The following DYRK1A variants were observed in gnomAD, a reference collection of about 807,000 sequenced individuals.
The protein encoded by DYRK1A is dual specificity tyrosine-phosphorylation-regulated kinase 1A.
Under a neutral mutation model 79.7 loss-of-function variants are expected in DYRK1A, and 9 were observed. That is an observed-to-expected ratio of 0.11 (90% CI 0.07 to 0.20). The LOEUF (loss-of-function observed/expected upper bound fraction) is 0.20. DYRK1A is among the 10% of genes least tolerant of loss of function. The pLI, the probability that DYRK1A is intolerant of heterozygous loss-of-function variation, is 1.00. For missense variants in DYRK1A, 622 were observed against 956.0 expected (o/e 0.65, Z 4.61); for synonymous variants, 349 against 329.7 (o/e 1.06, Z -0.63).
At chr21:37,374,786 C>G (rs372899744) in intron 1 of DYRK1A, among the ~76,000 whole-genome samples, 1 of 152,176 alleles carries the variant, frequency 6.6e-6, no homozygotes, top group Non-Finnish European at 1.5e-5. Context: ...ATCTCCTGAC[C>G]TCGTGATCCG....
intron 1 of DYRK1A, among the ~76,000 whole-genome samples, chr21:37,389,386 G>C (rs908003910): frequency 6.6e-6 from 1 of 152,074 alleles, no homozygotes; most frequent in African/African-American, 2.4e-5. Context: ...GGCTGGTCTT[G>C]AACTTCTGGG....
intron 9 of DYRK1A, among the ~76,000 whole-genome samples, chr21:37,497,993 T>A (rs1428522721): frequency 2.0e-5 from 3 of 152,318 alleles, no homozygotes; most frequent in Non-Finnish European, 4.4e-5. Context: ...AAATTCATAA[T>A]CAAATAATTA....
At chr21:37,411,701 T>C (rs1005351383) in intron 1 of DYRK1A, among the ~76,000 whole-genome samples, 4 of 152,146 alleles carry the variant, frequency 2.6e-5, no homozygotes, top group African/African-American at 9.7e-5. Flanking sequence ...AATTTTAAGG[T>C]TTAAGTTTTA....
intron 5 of DYRK1A, 184 bp downstream of exon 5, chr21:37,481,010 C>T: frequency 2.0e-6 from 1 of 506,034 alleles, no homozygotes; most frequent in Non-Finnish European, 3.4e-6. Context: ...GTAATATAAA[C>T]TCCTTAGACT....
At chr21:37,449,387 A>G (rs2051372836) in intron 2 of DYRK1A, among the ~76,000 whole-genome samples, 2 of 152,222 alleles carry the variant, frequency 1.3e-5, no homozygotes, top group South Asian at 4.1e-4. Flanking sequence ...GCTCTGAACT[A>G]TGGGCATTTT....
intron 2 of DYRK1A, among the ~76,000 whole-genome samples, chr21:37,451,513 C>T (rs1255622860): frequency 7.2e-5 from 11 of 152,096 alleles, no homozygotes; most frequent in Admixed American, 7.2e-4. Flanking sequence ...CAGTTGCCCT[C>T]ATTATTCAGC....
chr21:37,407,820 G>A (rs1569298011), intron 1 of DYRK1A, among the ~76,000 whole-genome samples: 1 of 152,304 alleles, frequency 6.6e-6, no homozygotes, highest in East Asian at 1.9e-4. Flanking sequence ...CCCTAAGAGC[G>A]GCGAGAGAAT....
chr21:37,394,681 A>C (rs927417082), intron 1 of DYRK1A, among the ~76,000 whole-genome samples: 1 of 152,184 alleles, frequency 6.6e-6, no homozygotes, highest in African/African-American at 2.4e-5. Flanking sequence ...GCTCCTTATG[A>C]GAATCTAACT....
chr21:37,446,771 T>G (rs1485536341), intron 2 of DYRK1A, among the ~76,000 whole-genome samples: 1 of 152,148 alleles, frequency 6.6e-6, no homozygotes, highest in East Asian at 1.9e-4. Context: ...TGGACTTTTC[T>G]GTTTATCATA....
chr21:37,415,199 C>T (rs1265340905), intron 1 of DYRK1A, among the ~76,000 whole-genome samples: 3 of 152,116 alleles, frequency 2.0e-5, no homozygotes, highest in African/African-American at 7.2e-5. Context: ...AAATTTGGGG[C>T]AAAACTCATT....
chr21:37,465,325 A>G (rs1347163062), intron 2 of DYRK1A, among the ~76,000 whole-genome samples: 2 of 152,230 alleles, frequency 1.3e-5, no homozygotes, highest in East Asian at 3.8e-4. Context: ...ACCGTTATGC[A>G]TGGGAATGTG....
intron 3 of DYRK1A, among the ~76,000 whole-genome samples, chr21:37,476,980 G>A (rs541505698): frequency 3.5e-4 from 54 of 152,220 alleles, no homozygotes; most frequent in African/African-American, 1.2e-3. Context: ...ATGATAAAGC[G>A]CACGTAGTAA....
intron 2 of DYRK1A, chr21:37,464,290 T>G (rs2051950794): frequency 2.0e-6 from 1 of 499,416 alleles, no homozygotes; most frequent in African/African-American, 2.0e-5. Flanking sequence ...TCCATACTGG[T>G]AATATGGTCT....
intron 2 of DYRK1A, among the ~76,000 whole-genome samples, chr21:37,467,540 C>T (rs1172996729): frequency 6.6e-6 from 1 of 152,150 alleles, no homozygotes; most frequent in Non-Finnish European, 1.5e-5. Flanking sequence ...CAAGGAAAGT[C>T]GTTTATCATT....
intron 9 of DYRK1A, among the ~76,000 whole-genome samples, chr21:37,500,509 A>AT (rs1038857930): frequency 6.6e-6 from 1 of 151,836 alleles, no homozygotes; most frequent in African/African-American, 2.4e-5. Context: ...TTTTTTCTTG[A>AT]TTTTCTGAAA....
Position 37,443,763 on chromosome 21 carries a change from A to G in DYRK1A, c.10+23379A>G, listed in dbSNP as rs114554017. 7.1e-3 allele frequency among the ~76,000 whole-genome samples: 1,073 copies of G among 152,192 alleles called. 13 individuals are homozygous for G. Among genetic ancestry groups the G allele is most frequent in the African/African-American group, 0.025 (1,029 of 41,516 alleles). On this transcript the variant is annotated intron_variant, in intron 2 of 11. Transcript: ENST00000647188. ...CCTTGGCTTCTGCTGCATTACGCCT[A>G]TCTTTGCCTTCTTTCTCACACGGTG...
intron 1 of DYRK1A, among the ~76,000 whole-genome samples, chr21:37,412,561 CT>C (rs1172398329): frequency 3.3e-5 from 5 of 152,000 alleles, no homozygotes; most frequent in African/African-American, 1.2e-4. Flanking sequence ...ACCATCAGGC[CT>C]AGGAGATAGT....
intron 2 of DYRK1A, among the ~76,000 whole-genome samples, chr21:37,434,567 T>C (rs3958998): frequency 6.6e-6 from 1 of 152,222 alleles, no homozygotes; most frequent in South Asian, 2.1e-4. Flanking sequence ...ATTAGACATT[T>C]TGCATATGAA....
In DYRK1A at chr21:37,505,451, C is replaced by A; in HGVS notation, c.1381C>A (p.Pro461Thr). 1 of 1,614,120 alleles carries A rather than the reference C, an allele frequency of 6.2e-7. No homozygotes were observed. The highest frequency in any genetic ancestry group is 8.5e-7 in the Non-Finnish European group (1 of 1,180,022). ...LDYDPKTRIQ[P>T]YYALQHSFFK... ...TTATGACCCCAAAACTCGAATTCAA[C>A]CTTATTATGCTCTGCAGCACAGTTT... is the stretch of plus-strand genomic sequence containing the variant. Residue 461 changes from proline to threonine, a missense_variant, in exon 10 of 12, where the codon CCT (proline) becomes ACT (threonine). Physicochemically the swap from Pro to Thr is conservative, Grantham distance 38. Transcript: ENST00000647188.
Sources: gnomAD v4.1 joint callset for allele counts (sites outside exome capture counted in the v4.1 genomes callset) on GRCh38, gnomAD v4.1.1 for gene constraint, MANE v1.5 for transcripts, NCBI Gene and HGNC (gene_info 2026-07-23, HGNC 2026-07-21) for gene names.